RYR2: variants seen among roughly 807,000 people sequenced by gnomAD.
RYR2 encodes ryanodine receptor 2, also known as cardiac muscle ryanodine receptor-calcium release channel.
In RYR2, 227 loss-of-function variants were observed where a neutral mutation model predicts 601.1. That is an observed-to-expected ratio of 0.38 (90% CI 0.34 to 0.42). The LOEUF (loss-of-function observed/expected upper bound fraction) is 0.42. Among genes scored for constraint, RYR2 ranks in the 10% least tolerant of loss-of-function variants. RYR2 has a pLI of 1.00. For synonymous variants in RYR2, 2,223 were observed against 2,175.1 expected (o/e 1.02, Z -0.61); for missense variants, 4,646 against 6,156.5 (o/e 0.75, Z 8.21).
intron 4 of RYR2, among the ~76,000 whole-genome samples, chr1:237,361,702 T>C (rs1699794919): frequency 6.6e-6 from 1 of 152,188 alleles, no homozygotes; most frequent in Non-Finnish European, 1.5e-5. Context: ...AGTTTTTAGC[T>C]CATGAAACTG....
chr1:237,683,926 T>TTTCTTCTTC (rs10675165), intron 62 of RYR2, among the ~76,000 whole-genome samples: 3 of 150,100 alleles, frequency 2.0e-5, no homozygotes, highest in African/African-American at 4.9e-5. Flanking sequence ...GGTGGGTCTT[T>TTTCTTCTTC]TTCTTCTTCT....
chr1:237,803,146 G>T (rs1273232810), intron 98 of RYR2, among the ~76,000 whole-genome samples: 1 of 152,080 alleles, frequency 6.6e-6, no homozygotes, highest in Non-Finnish European at 1.5e-5. Context: ...TACTTCATGG[G>T]ATATACCTAA....
intron 12 of RYR2, among the ~76,000 whole-genome samples, chr1:237,423,946 G>A (rs1705852847): frequency 6.6e-6 from 1 of 152,112 alleles, no homozygotes; most frequent in Non-Finnish European, 1.5e-5. Context: ...TGACAGAAGG[G>A]GAAGCAGGCA....
chr1:237,531,401 G>A (rs1046432760), intron 25 of RYR2, among the ~76,000 whole-genome samples: 2 of 152,110 alleles, frequency 1.3e-5, no homozygotes, highest in African/African-American at 4.8e-5. Flanking sequence ...TTCAATAAAT[G>A]ATAGCTGTTT....
intron 34 of RYR2, among the ~76,000 whole-genome samples, chr1:237,597,523 G>A (rs1006234405): frequency 2.6e-5 from 4 of 151,650 alleles, no homozygotes; most frequent in African/African-American, 4.8e-5. Context: ...CTTGTGATCC[G>A]CTCACCTCGG....
rs769311004 is a variant in RYR2 at position 237,788,030 on chromosome 1, G to A, written c.13371G>A (p.Lys4457=). The A allele has an allele frequency of 1.9e-6, 3 of 1,607,110 alleles. No individual in the cohort carries two copies. The highest frequency in any genetic ancestry group is 1.1e-5 in the South Asian group (1 of 89,776). ...GEKEEKAKED[K]GKQKLRQLHT... ...AAGAAGAGAAAGCCAAGGAAGACAA[G>A]GGCAAACAAAAGTTGAGGCAGCTTC... Residue 4457 remains lysine (K), a synonymous_variant, in exon 92 of 105, where the codon AAG becomes AAA. Coordinates refer to ENST00000366574, the MANE Select transcript of RYR2 (RefSeq NM_001035.3).
intron 14 of RYR2, among the ~76,000 whole-genome samples, chr1:237,451,096 A>AT (rs1350912672): frequency 6.6e-6 from 1 of 152,090 alleles, no homozygotes; most frequent in Non-Finnish European, 1.5e-5. Context: ...ATTACCTATT[A>AT]TAAGTCCCAA....
intron 100 of RYR2, among the ~76,000 whole-genome samples, chr1:237,814,604 A>G (rs1429325454): frequency 6.6e-6 from 1 of 152,034 alleles, no homozygotes; most frequent in African/African-American, 2.4e-5. Flanking sequence ...AATCTAATTA[A>G]ACCAGCAGTA....
intron 79 of RYR2, 125 bp downstream of exon 79, chr1:237,733,881 G>A (rs1004022204): frequency 2.0e-5 from 14 of 700,998 alleles, no homozygotes; most frequent in Admixed American, 7.8e-5. Context: ...ATGAATCTCC[G>A]TTCTAAATTC....
At chr1:237,657,914 C>A in intron 53 of RYR2, 30 bp from the exon 54 acceptor site, 1 of 1,211,020 alleles carries the variant, frequency 8.3e-7, no homozygotes, top group South Asian at 1.5e-5. Flanking sequence ...CTGTGAAAAT[C>A]AAGCTCTTTT....
intron 1 of RYR2, among the ~76,000 whole-genome samples, chr1:237,257,990 C>T (rs937883721): frequency 1.3e-5 from 2 of 151,570 alleles, no homozygotes; most frequent in African/African-American, 4.9e-5. Flanking sequence ...ATGGTGAAAC[C>T]CTGTCTCTAC....
intron 56 of RYR2, among the ~76,000 whole-genome samples, chr1:237,663,407 A>G (rs879371550): frequency 6.6e-6 from 1 of 152,214 alleles, no homozygotes; most frequent in Non-Finnish European, 1.5e-5. Flanking sequence ...TCATGTGTAG[A>G]TGTGATTCTG....
At chr1:237,660,197 A>C (rs1683642874) in intron 55 of RYR2, 123 bp downstream of exon 55, 1 of 490,358 alleles carries the variant, frequency 2.0e-6, no homozygotes. Flanking sequence ...TTTCTTCCAA[A>C]GGTCCCGTTT....
chr1:237,833,072 A>C lies in RYR2; in HGVS notation c.*425A>C, dbSNP rs991908233. 2.6e-5 allele frequency: 4 copies of C among 154,980 alleles called. No homozygotes were observed. Among genetic ancestry groups the C allele is most frequent in the African/African-American group, 9.6e-5 (4 of 41,536 alleles). 9.6% of individuals were successfully genotyped at this position (154,980 alleles called of 1,614,324 possible). A position where few individuals can be genotyped will look rare whatever the true frequency, so the allele number is the denominator to read the frequency against. ...ATGGTCACAGAGCACTGTAGCACTT[A>C]ACAGATTGCCATGGACACCAGTTGC... On this transcript the variant is annotated 3_prime_UTR_variant, in exon 105 of 105. Coordinates refer to ENST00000366574, the MANE Select transcript of RYR2 (RefSeq NM_001035.3).
chr1:237,603,068 A>C (rs1209752684), intron 35 of RYR2, among the ~76,000 whole-genome samples: 1 of 152,162 alleles, frequency 6.6e-6, no homozygotes, highest in African/African-American at 2.4e-5. Flanking sequence ...TCTGAATGTC[A>C]AAGTGAAGAA....
chr1:237,419,512 A>G (rs1003857571), intron 11 of RYR2, among the ~76,000 whole-genome samples: 1 of 152,190 alleles, frequency 6.6e-6, no homozygotes, highest in Non-Finnish European at 1.5e-5. Flanking sequence ...GATAATCAAT[A>G]TATAGAAAGG....
chr1:237,779,379 A>AGAT (rs376463715), intron 88 of RYR2, among the ~76,000 whole-genome samples: 25 of 152,214 alleles, frequency 1.6e-4, no homozygotes, highest in African/African-American at 2.4e-4. Flanking sequence ...TGAAACAAAA[A>AGAT]GATACACAAA....
At chr1:237,084,107 C>T (rs140481658) in intron 1 of RYR2, among the ~76,000 whole-genome samples, 122 of 152,252 alleles carry the variant, frequency 8.0e-4, no homozygotes, top group African/African-American at 2.7e-3. Context: ...CATCATCTGC[C>T]CCCACATTCC....
chr1:237,135,140 G>A (rs1353581264), intron 1 of RYR2, among the ~76,000 whole-genome samples: 2 of 152,060 alleles, frequency 1.3e-5, no homozygotes, highest in African/African-American at 4.8e-5. Flanking sequence ...CTTATGTAAG[G>A]TTACTCAGAT....
Sources: allele counts gnomAD v4.1 joint callset (sites outside exome capture counted in the v4.1 genomes callset), GRCh38; gene constraint gnomAD v4.1.1; transcripts MANE v1.5; gene names NCBI Gene and HGNC (gene_info 2026-07-23, HGNC 2026-07-21).